The following KIF1C variants were observed in gnomAD, a reference collection of about 807,000 sequenced individuals.
KIF1C encodes the protein kinesin family member 1C.
Under a neutral mutation model 126.5 loss-of-function variants are expected in KIF1C, and 61 were observed. That is an observed-to-expected ratio of 0.48 (90% CI 0.39 to 0.60). The LOEUF is 0.60. Among genes scored for constraint, KIF1C ranks in the 20% least tolerant of loss-of-function variants. The pLI, the probability that KIF1C is intolerant of heterozygous loss-of-function variation, is 0.00. For synonymous variants in KIF1C, 640 were observed against 580.6 expected, an observed-to-expected ratio of 1.10 and a Z score of -1.47; for missense variants, 1,315 against 1,489.2, an observed-to-expected ratio of 0.88 and a Z score of 1.93.
chr17:5,004,166 C>A, intron 11 of KIF1C, 93 bp downstream of exon 11: 1 of 947,542 alleles, frequency 1.1e-6, no homozygotes, highest in Non-Finnish European at 1.7e-6. Flanking sequence ...GCCGAGAATC[C>A]CAAATCCCGT....
intron 18 of KIF1C, among the ~76,000 whole-genome samples, chr17:5,016,977 T>C (rs1974984376): frequency 6.6e-6 from 1 of 152,070 alleles, no homozygotes; most frequent in Non-Finnish European, 1.5e-5. Context: ...GCAGTTGTTC[T>C]GGTCTGGTTC....
At chr17:5,019,918 G>A (rs1161778175) in intron 18 of KIF1C, 78 bp from the exon 19 acceptor site, 1 of 1,187,014 alleles carries the variant, frequency 8.4e-7, no homozygotes, top group East Asian at 2.5e-5. Flanking sequence ...TTTGGGGTAA[G>A]GCAAGGTGGG....
intron 18 of KIF1C, among the ~76,000 whole-genome samples, chr17:5,018,409 G>A (rs1047288329): frequency 6.6e-6 from 1 of 151,936 alleles, no homozygotes; most frequent in South Asian, 2.1e-4. Context: ...GCTCATGCCT[G>A]TGATTCCAGC....
intron 18 of KIF1C, among the ~76,000 whole-genome samples, chr17:5,017,293 C>CTTTTTTT (rs34140025): frequency 1.9e-4 from 16 of 85,212 alleles, no homozygotes; most frequent in South Asian, 4.0e-4. Context: ...GGCCTTGGTT[C>CTTTTTTT]TTTTTTTTTT....
rs1037994696 is a variant in KIF1C at position 5,023,652 on chromosome 17, G to A, written c.2813G>A (p.Arg938His). ...MEEDPAFRRG[R>H]LRWLKQEQLR... ...GAGGACCCTGCCTTCCGTCGTGGTC[G>A]TCTTCGCTGGCTCAAGCAGGAGCAG... Residue 938 changes from arginine (R) to histidine (H), a missense_variant, in exon 23 of 23, where the codon CGT (arginine) becomes CAT (histidine). Arg to His is a conservative substitution (Grantham distance 29, BLOSUM62 0). Around this residue, in one of 2 missense-constraint regions of KIF1C, gnomAD observed 441 missense variants for 436.1 expected, o/e 1.01. Coordinates refer to ENST00000320785, the MANE Select transcript of KIF1C (RefSeq NM_006612.6). The surrounding 1 kb of genome is among the most constrained non-coding windows in gnomAD (Gnocchi z 4.2). The A allele has an allele frequency of 4.3e-6, 7 of 1,612,244 alleles. No homozygotes were observed. The highest frequency in any genetic ancestry group is 3.3e-5 in the Admixed American group (2 of 59,922).
At chr17:5,005,908 G>T (rs932400579) in intron 13 of KIF1C, among the ~76,000 whole-genome samples, 1 of 151,324 alleles carries the variant, frequency 6.6e-6, no homozygotes, top group Admixed American at 6.6e-5. Flanking sequence ...TGTATTTTTA[G>T]TAGAGACGGG....
rs1229917712 is a variant in KIF1C, at chr17:5,002,725, C to T, written c.609-6C>T. ...AGGATCCAGTGACTGCTTTCTTTAC[C>T]CTAAGGACTGTGGCTGCCACCAACA... is the stretch of plus-strand genomic sequence containing the variant. On this transcript the variant is annotated splice_polypyrimidine_tract_variant and splice_region_variant and intron_variant, in intron 7 of 22. Transcript: ENST00000320785. The T allele has an allele frequency of 6.2e-6, 10 of 1,613,880 alleles. No homozygotes were observed. Among genetic ancestry groups the T allele is most frequent in the Non-Finnish European group, 8.5e-6 (10 of 1,179,912 alleles).
intron 17 of KIF1C, among the ~76,000 whole-genome samples, 180 bp from the exon 18 acceptor site, chr17:5,014,563 A>G (rs1974931987): frequency 1.3e-5 from 2 of 152,298 alleles, no homozygotes; most frequent in South Asian, 2.1e-4. Flanking sequence ...AGATCCCAGC[A>G]TCACTTCACT....
chr17:5,019,210 CAT>C (rs1190411018), intron 18 of KIF1C: 4 of 167,552 alleles, frequency 2.4e-5, no homozygotes, highest in Admixed American at 6.5e-5. Context: ...TAATAAAACA[CAT>C]GTTTGCATGT....
chr17:5,007,481 C>A lies in KIF1C; in HGVS notation c.1430C>A (p.Ala477Asp). ...TCTGCCCACAGAGAAGCATTGCTGG[C>A]TGAGATGGGGGTGGCCGTCCGGGAG... ...ALRMEREALL[A>D]EMGVAVREDG... Residue 477 changes from alanine to aspartate, a missense_variant, in exon 16 of 23, where the codon GCT becomes GAT. Physicochemically the swap from Ala to Asp is moderately radical, Grantham distance 126. Coordinates refer to ENST00000320785, the MANE Select transcript of KIF1C (RefSeq NM_006612.6). 2 of 1,587,146 alleles carry A rather than the reference C, an allele frequency of 1.3e-6. No homozygotes were observed. Among genetic ancestry groups the A allele is most frequent in the South Asian group, 1.1e-5 (1 of 87,652 alleles).
intron 16 of KIF1C, among the ~76,000 whole-genome samples, chr17:5,009,422 C>G (rs778909905): frequency 2.6e-5 from 4 of 151,968 alleles, no homozygotes; most frequent in Non-Finnish European, 5.9e-5. Flanking sequence ...TCGTGATCCA[C>G]CCACTTCGGA....
Position 5,001,377 on chromosome 17 carries a change from A to T in KIF1C, c.339A>T (p.Pro113=). The T allele has an allele frequency of 6.2e-7, 1 of 1,614,066 alleles. No homozygotes were observed. Among genetic ancestry groups the T allele is most frequent in the Non-Finnish European group, 8.5e-7 (1 of 1,179,938 alleles). Residue 113 remains proline, a synonymous_variant, in exon 5 of 23, where the codon CCA becomes CCT. Coordinates refer to ENST00000320785, the MANE Select transcript of KIF1C (RefSeq NM_006612.6). ...KSYTMMGRQE[P]GQQGIVPQLC... is the part of the protein sequence containing the mutation. ...ATACCATGATGGGGCGACAGGAGCC[A>T]GGGCAGCAGGGCATCGTGCCCCAGG... is the stretch of plus-strand genomic sequence containing the variant.
intron 18 of KIF1C, among the ~76,000 whole-genome samples, chr17:5,018,923 T>G (rs1975034128): frequency 6.6e-6 from 1 of 152,098 alleles, no homozygotes; most frequent in African/African-American, 2.4e-5. Context: ...TTTTGTGGCA[T>G]GATGGGAAAT....
Position 5,000,286 on chromosome 17 carries a change from C to T in KIF1C, c.40C>T (p.Pro14Ser). The T allele has an allele frequency of 1.9e-6, 3 of 1,587,294 alleles. No homozygotes were observed. Among genetic ancestry groups the T allele is most frequent in the Non-Finnish European group, 2.6e-6 (3 of 1,168,088 alleles). The change falls in exon 3 of 23, where the codon CCC becomes TCC. Residue 14 changes from proline (P) to serine (S), a missense_variant. Transcript: ENST00000320785. ...ASVKVAVRVR[P>S]FNARETSQDA... ...GGTGAAAGTGGCAGTGAGGGTTCGG[C>T]CCTTTAACGCCCGTGAGACCAGCCA... is the stretch of plus-strand genomic sequence containing the variant.
In KIF1C at chr17:5,004,060, C is replaced by G; in HGVS notation, c.927C>G (p.Leu309=). 6.2e-7 allele frequency: 1 copy of G among 1,613,590 alleles called. No homozygotes were observed. The highest frequency in any genetic ancestry group is 8.5e-7 in the Non-Finnish European group (1 of 1,179,678). Residue 309 remains leucine (L), a synonymous_variant, in exon 11 of 23, where the codon CTC becomes CTG. Coordinates refer to ENST00000320785, the MANE Select transcript of KIF1C (RefSeq NM_006612.6). The part of the protein sequence containing the change: ...PYRDSVLTWL[L]KENLGGNSRT... ...GGGACTCTGTGCTCACCTGGCTGCT[C>G]AAGGAAAATTTGGGTGAGGGCCTCT...
At position 5,000,542 on chromosome 17, in the gene KIF1C, C is replaced by CT. The variant is rs376566308; in HGVS notation, c.106+191dup. 2.5e-3 allele frequency among the ~76,000 whole-genome samples: 385 copies of CT among 151,926 alleles called. 2 individuals carry two copies. Among genetic ancestry groups the CT allele is most frequent in the African/African-American group, 9.1e-3 (378 of 41,382 alleles). On this transcript the variant is annotated intron_variant, in intron 3 of 22. Coordinates refer to ENST00000320785, the MANE Select transcript of KIF1C (RefSeq NM_006612.6). The stretch of plus-strand genomic sequence containing the variant: ...AGTCCCTGGGAGGGGGAATGTTGGC[C>CT]TGGAGCCCTCCATTGCCCAATCCAG...
rs866832586 is a variant in KIF1C at position 5,003,170 on chromosome 17, G to T, written c.720+328G>T. On this transcript the variant is annotated intron_variant, in intron 8 of 22. Transcript: ENST00000320785. Reference sequence around the variant, plus strand: ...AGTGATTCTCCTGCCTCAGCCTCCCGAGTACCTGGGATTACAGGCATGCGC... The same window carrying T: ...AGTGATTCTCCTGCCTCAGCCTCCCTAGTACCTGGGATTACAGGCATGCGC... Among the ~76,000 whole-genome samples the T allele has an allele frequency of 3.3e-5, 5 of 151,886 alleles. 1 individual carries two copies. In the South Asian group the frequency reaches 8.3e-4, roughly 25 times the overall value.
chr17:5,023,407 C>G lies in KIF1C; in HGVS notation c.2629-61C>G, dbSNP rs1975133520. The G allele has an allele frequency of 1.4e-6, 2 of 1,417,690 alleles. No individual in the cohort carries two copies. The highest frequency in any genetic ancestry group is 2.0e-6 in the Non-Finnish European group (2 of 1,018,824). The allele number at this position is 1,417,690 out of a possible 1,614,324, so 87.8% of individuals were successfully genotyped here. On this transcript the variant is annotated intron_variant, in intron 22 of 22. Transcript: ENST00000320785. The surrounding 1 kb of genome is among the most constrained non-coding windows in gnomAD (Gnocchi z 4.2). Reference sequence around the variant, plus strand: ...CCACTCCAGGTCCCTCTTGAATCCACATGTCCTGAGGATTCAGCTCTCCTC... The same window carrying G: ...CCACTCCAGGTCCCTCTTGAATCCAGATGTCCTGAGGATTCAGCTCTCCTC...
chr17:5,005,102 C>A, intron 13 of KIF1C, 102 bp downstream of exon 13: 2 of 1,420,152 alleles, frequency 1.4e-6, no homozygotes, highest in Non-Finnish European at 2.0e-6. Flanking sequence ...GGACCACACA[C>A]TATGAAACCT....
Sources: allele counts gnomAD v4.1 joint callset (sites outside exome capture counted in the v4.1 genomes callset), GRCh38; gene constraint gnomAD v4.1.1; regional missense constraint gnomAD v4.1.1; non-coding constraint Gnocchi (gnomAD v3.1); transcripts MANE v1.5; gene names NCBI Gene and HGNC (gene_info 2026-07-23, HGNC 2026-07-21).